OXSR1: variants seen among roughly 807,000 people sequenced by gnomAD.
The protein encoded by OXSR1 is serine/threonine-protein kinase OSR1.
In OXSR1, 24 loss-of-function variants were observed where a neutral mutation model predicts 79.8. The ratio of observed to expected loss-of-function variants is 0.30; its 90% CI spans 0.22 to 0.42. The LOEUF (loss-of-function observed/expected upper bound fraction) is 0.42. Ranked by LOEUF, OXSR1 falls within the 10% of genes least tolerant of loss-of-function variation. The pLI is 1.00. For missense variants in OXSR1, 430 were observed against 618.4 expected, an observed-to-expected ratio of 0.70 and a Z score of 3.23; for synonymous variants, 226 against 209.2, an observed-to-expected ratio of 1.08 and a Z score of -0.69.
chr3:38,192,031 ATGT>A (rs1701993619), intron 3 of OXSR1, among the ~76,000 whole-genome samples: 1 of 152,178 alleles, frequency 6.6e-6, no homozygotes, highest in African/African-American at 2.4e-5. Flanking sequence ...TTAGTGTAAA[ATGT>A]TGGTTTAGTA....
chr3:38,223,959 C>T (rs1702639570), intron 7 of OXSR1, 46 bp downstream of exon 7: 6 of 1,125,286 alleles, frequency 5.3e-6, no homozygotes, highest in Non-Finnish European at 7.8e-6. Flanking sequence ...GTCCCAATTC[C>T]TTTTCAGAGC....
chr3:38,224,769 A>C (rs1575353607), intron 8 of OXSR1, 65 bp downstream of exon 8: 1 of 1,100,886 alleles, frequency 9.1e-7, no homozygotes, highest in African/African-American at 1.6e-5. Flanking sequence ...TAAGAATCAC[A>C]TACTCATATG....
At chr3:38,223,189 G>A (rs944831829) in intron 6 of OXSR1, among the ~76,000 whole-genome samples, 19 of 152,102 alleles carry the variant, frequency 1.2e-4, no homozygotes, top group African/African-American at 4.3e-4. Context: ...AGTCTGGAGT[G>A]CAGTGGTGCC....
chr3:38,197,891 T>C (rs1702096171), intron 3 of OXSR1, among the ~76,000 whole-genome samples: 1 of 152,240 alleles, frequency 6.6e-6, no homozygotes, highest in South Asian at 2.1e-4. Context: ...ATCTTTTCTT[T>C]GCAGTCTATG....
chr3:38,251,310 C>T (rs1233374357), intron 15 of OXSR1, 93 bp from the exon 16 acceptor site: 23 of 1,015,874 alleles, frequency 2.3e-5, no homozygotes, highest in Non-Finnish European at 3.3e-5. Flanking sequence ...CAGCTTGGGC[C>T]TAGCATGGCA....
At chr3:38,198,641 CAT>C in intron 3 of OXSR1, 79 bp from the exon 4 acceptor site, 3 of 1,040,076 alleles carry the variant, frequency 2.9e-6, no homozygotes, top group Non-Finnish European at 4.2e-6. Context: ...AGAAGGTTCA[CAT>C]GTGTTTTGAT....
chr3:38,230,460 A>G, intron 10 of OXSR1, 30 bp downstream of exon 10: 1 of 1,446,762 alleles, frequency 6.9e-7, no homozygotes, highest in Non-Finnish European at 9.7e-7. Context: ...AGTTTTCCTG[A>G]AGAATTTACT....
At position 38,165,597 on chromosome 3, in the gene OXSR1, C is replaced by T. The variant is rs1457543748; in HGVS notation, c.-280C>T. ...GAGGGGCTGGGCCCAGGCAAAGCTTCTGTCGCTGCTGCTGCGGAGGCCGAG... is the reference window on the plus strand; with the variant it reads ...GAGGGGCTGGGCCCAGGCAAAGCTTTTGTCGCTGCTGCTGCGGAGGCCGAG... On this transcript the variant is annotated 5_prime_UTR_variant, in exon 1 of 18. Coordinates refer to ENST00000311806, the MANE Select transcript of OXSR1 (RefSeq NM_005109.3). 3 of 424,722 alleles carry T rather than the reference C, an allele frequency of 7.1e-6. No homozygotes were observed. The highest frequency in any genetic ancestry group is 4.3e-5 in the African/African-American group (2 of 46,940). 26.3% of individuals were successfully genotyped at this position (424,722 alleles called of 1,614,324 possible). A position where few individuals can be genotyped will look rare whatever the true frequency, so the allele number is the denominator to read the frequency against.
chr3:38,237,442 C>T (rs544565881), intron 11 of OXSR1, among the ~76,000 whole-genome samples: 2 of 152,282 alleles, frequency 1.3e-5, no homozygotes, highest in Non-Finnish European at 2.9e-5. Context: ...TTTCATCACT[C>T]TTGCCTAAAA....
chr3:38,239,043 A>G (rs1054144238), intron 11 of OXSR1, among the ~76,000 whole-genome samples: 1 of 152,094 alleles, frequency 6.6e-6, no homozygotes, highest in Admixed American at 6.6e-5. Flanking sequence ...ATCTTCTGCA[A>G]TATCTAATCT....
rs749346476 is a variant in OXSR1, at chr3:38,246,077, C to T, written c.1113C>T (p.Leu371=). The change falls in exon 13 of 18, where the codon CTC becomes CTT. Residue 371 remains leucine (L), a splice_region_variant and synonymous_variant. Coordinates refer to ENST00000311806, the MANE Select transcript of OXSR1 (RefSeq NM_005109.3). ...CACTGTGTGTGTTTTTGTTACAGCT[C>T]TTTCCAACAACTGATCCTGTGGGTA... ...RVKESISNSE[L]FPTTDPVGTL... is the part of the protein sequence containing the mutation. 9 of 1,613,664 alleles carry T rather than the reference C, an allele frequency of 5.6e-6. No individual in the cohort carries two copies. In the South Asian group the frequency reaches 7.7e-5, roughly 14 times the overall value.
intron 11 of OXSR1, 101 bp downstream of exon 11, chr3:38,237,062 T>G (rs1559525269): frequency 4.7e-6 from 5 of 1,066,408 alleles, no homozygotes; most frequent in Non-Finnish European, 4.0e-6. Context: ...CAGGATTTTC[T>G]TGAACAGCTT....
intron 1 of OXSR1, among the ~76,000 whole-genome samples, chr3:38,179,446 C>T (rs957575360): frequency 5.3e-5 from 8 of 151,816 alleles, no homozygotes; most frequent in Non-Finnish European, 1.0e-4. Context: ...GGACTACAGG[C>T]GTGAGTCATT....
At chr3:38,174,856 A>G (rs935479040) in intron 1 of OXSR1, among the ~76,000 whole-genome samples, 10 of 152,236 alleles carry the variant, frequency 6.6e-5, no homozygotes, top group African/African-American at 2.4e-4. Context: ...CAGAGTGAAC[A>G]GGAGAGCGAG....
chr3:38,246,318 C>A, intron 13 of OXSR1, 97 bp downstream of exon 13: 1 of 1,166,174 alleles, frequency 8.6e-7, no homozygotes, highest in Non-Finnish European at 1.2e-6. Flanking sequence ...AGGTTAATGT[C>A]TTGGTAGATT....
chr3:38,220,477 A>G (rs1702566982), intron 5 of OXSR1, among the ~76,000 whole-genome samples: 1 of 152,186 alleles, frequency 6.6e-6, no homozygotes, highest in Non-Finnish European at 1.5e-5. Context: ...ACAAAAGGGG[A>G]GTCAGAAAAG....
At position 38,225,567 on chromosome 3, in the gene OXSR1, A is replaced by AT. The variant is rs970798866; in HGVS notation, c.836+874dup. On this transcript the variant is annotated intron_variant, in intron 8 of 17. Transcript: ENST00000311806. ...CAAAATTTATACCTGTGTTTTTATA[A>AT]TTTTTTTTTTTCTGTTTCTGAGTAA... is the stretch of plus-strand genomic sequence containing the variant. Among the ~76,000 whole-genome samples, 1,363 of 149,258 alleles carry AT rather than the reference A, an allele frequency of 9.1e-3. 17 individuals are homozygous for AT. Among genetic ancestry groups the AT allele is most frequent in the African/African-American group, 0.031 (1,258 of 40,946 alleles).
In OXSR1 at chr3:38,224,708, A is replaced by G. The variant is rs372648857; in HGVS notation, c.836+4A>G. ...TTCAAAAAGATCCAGAAAAAAGGTA[A>G]AATATGAGAAAAAGTCTACTTTTCT... On this transcript the variant is annotated splice_donor_region_variant and intron_variant, in intron 8 of 17. Coordinates refer to ENST00000311806, the MANE Select transcript of OXSR1 (RefSeq NM_005109.3). The G allele has an allele frequency of 9.4e-5, 144 of 1,537,092 alleles. 1 individual carries two copies. The highest frequency in any genetic ancestry group is 4.0e-4 in the Middle Eastern group (2 of 4,962).
At chr3:38,177,045 T>C (rs1701688146) in intron 1 of OXSR1, among the ~76,000 whole-genome samples, 1 of 152,216 alleles carries the variant, frequency 6.6e-6, no homozygotes, top group Admixed American at 6.5e-5. Flanking sequence ...AGAACACCAC[T>C]GGATAGTACA....
Sources: allele counts gnomAD v4.1 joint callset (sites outside exome capture counted in the v4.1 genomes callset), GRCh38; gene constraint gnomAD v4.1.1; transcripts MANE v1.5; gene names NCBI Gene and HGNC (gene_info 2026-07-23, HGNC 2026-07-21).